The following LMAN2 variants were observed in gnomAD, a reference collection of about 807,000 sequenced individuals.
LMAN2 encodes the protein lectin, mannose binding 2.
LMAN2 carries 22 observed loss-of-function variants against 39.3 expected under a neutral mutation model. That is an observed-to-expected ratio of 0.56 (90% CI 0.40 to 0.80). The LOEUF (loss-of-function observed/expected upper bound fraction) is 0.80, where lower values mean the gene tolerates loss of function less well. Among genes scored for constraint, LMAN2 ranks in the 30% least tolerant of loss-of-function variants. The probability of loss-of-function intolerance (pLI) is 0.00; values close to 1 mark genes in which losing one functional copy is unlikely to be tolerated. For missense variants in LMAN2, 494 were observed against 505.4 expected (o/e 0.98, Z 0.22); for synonymous variants, 207 against 207.8 (o/e 1.00, Z 0.03).
chr5:177,335,306 TA>T, intron 6 of LMAN2, among the ~76,000 whole-genome samples: 1 of 152,214 alleles, frequency 6.6e-6, no homozygotes, highest in Non-Finnish European at 1.5e-5. Flanking sequence ...TTCCTGCTCG[TA>T]TCTTAGGAAA....
At chr5:177,347,936 T>C (rs1342003647) in intron 2 of LMAN2, among the ~76,000 whole-genome samples, 2 of 152,120 alleles carry the variant, frequency 1.3e-5, no homozygotes, top group African/African-American at 4.8e-5. Flanking sequence ...CTGGGCAACA[T>C]AGTAAGATCC....
intron 6 of LMAN2, 184 bp from the exon 7 acceptor site, chr5:177,334,587 A>C (rs994884199): frequency 7.5e-6 from 5 of 666,312 alleles, no homozygotes; most frequent in Non-Finnish European, 1.2e-5. Context: ...AGCAATAAAA[A>C]AGAGAGGAGG....
Position 177,351,460 on chromosome 5 carries a change from G to C in LMAN2, c.188C>G (p.Pro63Arg), listed in dbSNP as rs751188684. ...HLKREHSLIK[P>R]YQGVGSSSMP... ...CGCCCCAAGGGCTTCACCTTGGTAG[G>C]GCTTAATGAGCGAATGCTCCCGCTT... The change falls in exon 1 of 8, where the codon CCC (proline) becomes CGC (arginine). Residue 63 changes from proline (P) to arginine (R), a missense_variant. By Grantham distance (103) the Pro-to-Arg change is moderately radical. Transcript: ENST00000303127. The C allele has an allele frequency of 1.9e-6, 3 of 1,613,128 alleles. No individual in the cohort carries two copies. The highest frequency in any genetic ancestry group is 2.2e-5 in the East Asian group (1 of 44,886).
intron 2 of LMAN2, 50 bp downstream of exon 2, chr5:177,351,123 G>A: frequency 6.5e-7 from 1 of 1,533,568 alleles, no homozygotes; most frequent in Non-Finnish European, 9.0e-7. Flanking sequence ...CGGGAGGCAG[G>A]GACTAGCAGC....
At chr5:177,340,089 T>C (rs956995524) in intron 2 of LMAN2, among the ~76,000 whole-genome samples, 4 of 152,116 alleles carry the variant, frequency 2.6e-5, no homozygotes, top group Admixed American at 6.5e-5. Flanking sequence ...TAAAGACGTC[T>C]AAGCACTTAC....
At position 177,337,792 on chromosome 5, in the gene LMAN2, T is replaced by TTA; in HGVS notation, c.434-9_434-8dup. The TTA allele has an allele frequency of 6.2e-7, 1 of 1,613,186 alleles. No individual in the cohort carries two copies. Among genetic ancestry groups the TTA allele is most frequent in the African/African-American group, 1.3e-5 (1 of 74,948 alleles). The stretch of plus-strand genomic sequence containing the variant: ...TTGCTTCCAAACACAGGCCCTAGAA[T>TTA]TATAAGCAGATGCTCTCAGAATGGG... On this transcript the variant is annotated splice_polypyrimidine_tract_variant and splice_region_variant and intron_variant, in intron 3 of 7. Coordinates refer to ENST00000303127, the MANE Select transcript of LMAN2 (RefSeq NM_006816.3). This position sits in a 1 kb window ranked among gnomAD's most constrained non-coding sequence, Gnocchi z 8.2.
At chr5:177,334,132 A>G (rs1378712016) in intron 7 of LMAN2, 152 bp downstream of exon 7, 2 of 1,325,244 alleles carry the variant, frequency 1.5e-6, no homozygotes, top group East Asian at 4.9e-5. Flanking sequence ...GGACAGGGCC[A>G]GCCAGTGCCG....
chr5:177,335,119 G>A (rs184912492), intron 6 of LMAN2, among the ~76,000 whole-genome samples: 11 of 152,352 alleles, frequency 7.2e-5, no homozygotes, highest in African/African-American at 2.6e-4. Flanking sequence ...TCTGAGGAAA[G>A]GCCTTGTTGA....
At chr5:177,347,362 A>T (rs1359716861) in intron 2 of LMAN2, among the ~76,000 whole-genome samples, 1 of 152,176 alleles carries the variant, frequency 6.6e-6, no homozygotes, top group Non-Finnish European at 1.5e-5. Flanking sequence ...GAGACAGTGG[A>T]GGACCTGGAA....
chr5:177,345,778 T>C (rs1159106172), intron 2 of LMAN2, among the ~76,000 whole-genome samples: 2 of 151,456 alleles, frequency 1.3e-5, no homozygotes, highest in Non-Finnish European at 2.9e-5. Flanking sequence ...TATTTATTTA[T>C]TTATTTTTTG....
intron 2 of LMAN2, among the ~76,000 whole-genome samples, chr5:177,343,628 C>T (rs1761591929): frequency 9.7e-6 from 1 of 103,050 alleles, no homozygotes; most frequent in African/African-American, 2.9e-5. Flanking sequence ...GAATGCAGTA[C>T]TGACATATAC....
chr5:177,340,516 G>A (rs998644570), intron 2 of LMAN2, among the ~76,000 whole-genome samples: 3 of 152,094 alleles, frequency 2.0e-5, no homozygotes, highest in Admixed American at 6.5e-5. Context: ...AGTGGCTCAC[G>A]CCTGTAATCT....
At position 177,332,218 on chromosome 5, in the gene LMAN2, G is replaced by T; in HGVS notation, c.939C>A (p.Phe313Leu). ...GCCACCCCGTCAGGGGCCCGCTGCG[G>T]AAGTTCCCCGTGGGGTCGTCCACGT... Reference protein sequence around the residue: ...KDNVDDPTGNFRSGPLTGWRV... With the variant: ...KDNVDDPTGNLRSGPLTGWRV... The change falls in exon 8 of 8, where the codon TTC (phenylalanine) becomes TTA (leucine). Residue 313 changes from phenylalanine to leucine, a missense_variant. Transcript: ENST00000303127. This position sits in a 1 kb window ranked among gnomAD's most constrained non-coding sequence, Gnocchi z 6.3. 1 of 1,613,092 alleles carries T rather than the reference G, an allele frequency of 6.2e-7. No homozygotes were observed. The highest frequency in any genetic ancestry group is 8.5e-7 in the Non-Finnish European group (1 of 1,179,816).
intron 1 of LMAN2, 69 bp from the exon 2 acceptor site, chr5:177,351,360 A>G: frequency 3.7e-6 from 6 of 1,607,390 alleles, no homozygotes; most frequent in Non-Finnish European, 5.1e-6. Flanking sequence ...AAACCCACAG[A>G]GATGCTCTGC....
At chr5:177,347,937 A>G (rs1321209221) in intron 2 of LMAN2, among the ~76,000 whole-genome samples, 1 of 152,184 alleles carries the variant, frequency 6.6e-6, no homozygotes, top group East Asian at 1.9e-4. Context: ...TGGGCAACAT[A>G]GTAAGATCCC....
intron 2 of LMAN2, among the ~76,000 whole-genome samples, chr5:177,348,821 T>A (rs1761677935): frequency 1.3e-5 from 2 of 150,354 alleles, no homozygotes; most frequent in African/African-American, 4.9e-5. Flanking sequence ...AAGGCGGAAG[T>A]TGCAGTGAGC....
At chr5:177,341,819 T>C (rs1236564784) in intron 2 of LMAN2, among the ~76,000 whole-genome samples, 1 of 152,070 alleles carries the variant, frequency 6.6e-6, no homozygotes, top group Admixed American at 6.6e-5. Flanking sequence ...ATAAATGGAG[T>C]TAAAGTGTGT....
At chr5:177,334,711 C>A (rs1387283051) in intron 6 of LMAN2, among the ~76,000 whole-genome samples, 1 of 152,258 alleles carries the variant, frequency 6.6e-6, no homozygotes, top group Non-Finnish European at 1.5e-5. Context: ...GAGTGATGAT[C>A]TCCATCTGTG....
At chr5:177,338,734 C>G in intron 2 of LMAN2, 129 bp from the exon 3 acceptor site, 1 of 746,142 alleles carries the variant, frequency 1.3e-6, no homozygotes, top group Non-Finnish European at 2.3e-6. Flanking sequence ...CACTCCTTGG[C>G]ACAGGGCCAC....
Sources: gnomAD v4.1 joint callset for allele counts (sites outside exome capture counted in the v4.1 genomes callset) on GRCh38, gnomAD v4.1.1 for gene constraint, Gnocchi (gnomAD v3.1) non-coding constraint, MANE v1.5 for transcripts, NCBI Gene and HGNC (gene_info 2026-07-23, HGNC 2026-07-21) for gene names.